CHST9: variants seen among roughly 807,000 people sequenced by gnomAD.
CHST9 encodes GalNAc-4-sulfotransferase 2.
Under a neutral mutation model 44.4 loss-of-function variants are expected in CHST9, and 41 were observed. The observed-to-expected ratio is 0.92, with a 90% CI of 0.72 to 1.20. The LOEUF is 1.20. Among genes scored for constraint, CHST9 ranks in the 50% most tolerant of loss-of-function variants. CHST9 has a pLI of 0.00. For missense variants in CHST9, 504 were observed against 516.5 expected (o/e 0.98, Z 0.23); for synonymous variants, 171 against 178.4 (o/e 0.96, Z 0.33).
At chr18:26,972,916 G>A (rs959872846) in intron 4 of CHST9, among the ~76,000 whole-genome samples, 3 of 152,088 alleles carry the variant, frequency 2.0e-5, no homozygotes, top group African/African-American at 4.8e-5. Flanking sequence ...CCCAGAAGAC[G>A]GCCGAGCTTC....
chr18:27,084,835 TA>T (rs1209194588), intron 2 of CHST9, among the ~76,000 whole-genome samples: 1 of 152,066 alleles, frequency 6.6e-6, no homozygotes, highest in Admixed American at 6.6e-5. Context: ...TGTCCAGAGA[TA>T]CTAGTATGCT....
intron 5 of CHST9, among the ~76,000 whole-genome samples, chr18:26,932,234 C>G (rs1255522594): frequency 6.6e-6 from 1 of 152,182 alleles, no homozygotes; most frequent in Admixed American, 6.5e-5. Flanking sequence ...TATAAGTCAG[C>G]ACTGCCTGGA....
intron 4 of CHST9, among the ~76,000 whole-genome samples, chr18:26,978,976 G>T (rs938041793): frequency 2.6e-5 from 4 of 151,464 alleles, no homozygotes; most frequent in Admixed American, 2.6e-4. Flanking sequence ...CCTATCTGTG[G>T]TTTTTGTGGT....
At chr18:26,958,707 AAC>A (rs2056360625) in intron 4 of CHST9, among the ~76,000 whole-genome samples, 2 of 152,202 alleles carry the variant, frequency 1.3e-5, no homozygotes, top group South Asian at 4.1e-4. Flanking sequence ...GCTGTCAGCA[AAC>A]ACAAGAAAAA....
chr18:27,031,990 T>C (rs1402284735), intron 3 of CHST9, among the ~76,000 whole-genome samples: 1 of 152,034 alleles, frequency 6.6e-6, no homozygotes, highest in Non-Finnish European at 1.5e-5. Flanking sequence ...GTCCCTACTT[T>C]AGAGGAGCAA....
chr18:27,011,752 A>G (rs921682572), intron 4 of CHST9, among the ~76,000 whole-genome samples: 2 of 152,224 alleles, frequency 1.3e-5, no homozygotes, highest in African/African-American at 4.8e-5. Context: ...GGAATATACC[A>G]GTGAGTGAGC....
At chr18:27,179,290 C>T (rs540822146) in intron 1 of CHST9, among the ~76,000 whole-genome samples, 9 of 152,016 alleles carry the variant, frequency 5.9e-5, no homozygotes, top group East Asian at 5.8e-4. Flanking sequence ...AAGGTGACAG[C>T]GACAGAAAAA....
intron 2 of CHST9, among the ~76,000 whole-genome samples, chr18:27,078,802 C>T (rs944665224): frequency 6.6e-6 from 1 of 152,160 alleles, no homozygotes; most frequent in African/African-American, 2.4e-5. Flanking sequence ...AGTTGGACAA[C>T]ACAAATTTTT....
intron 2 of CHST9, among the ~76,000 whole-genome samples, chr18:27,121,318 T>C (rs992038579): frequency 6.6e-6 from 1 of 152,162 alleles, no homozygotes; most frequent in Admixed American, 6.5e-5. Flanking sequence ...GCTACTGTCA[T>C]AAAACCTGCC....
chr18:27,023,998 G>T, intron 4 of CHST9, 118 bp downstream of exon 4: 2 of 949,770 alleles, frequency 2.1e-6, no homozygotes, highest in African/African-American at 1.7e-5. Context: ...CCTAGGGATG[G>T]CTATCATCAG....
At chr18:26,981,772 C>T (rs1426950159) in intron 4 of CHST9, among the ~76,000 whole-genome samples, 2 of 152,156 alleles carry the variant, frequency 1.3e-5, no homozygotes, top group African/African-American at 2.4e-5. Flanking sequence ...AAATTGAAAG[C>T]TAACTGTAAT....
intron 2 of CHST9, among the ~76,000 whole-genome samples, chr18:27,070,382 T>A (rs2057825716): frequency 6.6e-6 from 1 of 152,226 alleles, no homozygotes; most frequent in South Asian, 2.1e-4. Flanking sequence ...GGGCCAAATA[T>A]AATAAGGCTT....
intron 4 of CHST9, among the ~76,000 whole-genome samples, chr18:26,961,128 G>A (rs1189083395): frequency 6.6e-6 from 1 of 152,176 alleles, no homozygotes; most frequent in Non-Finnish European, 1.5e-5. Context: ...GGGAGGTGAT[G>A]AACTCAAGCC....
At chr18:27,071,645 G>T (rs9965130) in intron 2 of CHST9, among the ~76,000 whole-genome samples, 56 of 152,178 alleles carry the variant, frequency 3.7e-4, no homozygotes, top group African/African-American at 1.3e-3. Flanking sequence ...AAACTTTGTT[G>T]TTTCTTTTGG....
At chr18:27,085,095 A>G (rs990818746) in intron 2 of CHST9, among the ~76,000 whole-genome samples, 1 of 152,136 alleles carries the variant, frequency 6.6e-6, no homozygotes, top group African/African-American at 2.4e-5. Context: ...TGCCATGTGC[A>G]GACGAGAAGA....
At position 27,141,841 on chromosome 18, in the gene CHST9, G is replaced by A. The variant is rs543373252; in HGVS notation, c.121+848C>T. Among the ~76,000 whole-genome samples, 8 of 151,448 alleles carry A rather than the reference G, an allele frequency of 5.3e-5. No individual in the cohort carries two copies. In the South Asian group the frequency reaches 1.7e-3, roughly 31 times the overall value. On this transcript the variant is annotated intron_variant, in intron 2 of 5. Transcript: ENST00000618847. ...TTATCCTTAACAGTCATAAGCCATA[G>A]TCTATTTCTACCAATGGAAACCATC...
chr18:27,015,690 G>C (rs182578377), intron 4 of CHST9, among the ~76,000 whole-genome samples: 364 of 152,292 alleles, frequency 2.4e-3, no homozygotes, highest in Middle Eastern at 3.4e-3. Context: ...GCTGACCAAA[G>C]GGTAGAGGAT....
intron 4 of CHST9, among the ~76,000 whole-genome samples, chr18:27,023,856 A>G (rs1368648445): frequency 6.6e-6 from 1 of 152,230 alleles, no homozygotes; most frequent in Non-Finnish European, 1.5e-5. Context: ...TCCTATATAT[A>G]ACTGAAATCA....
At position 27,049,228 on chromosome 18, in the gene CHST9, C is replaced by T. The variant is rs953042360; in HGVS notation, c.122-725G>A. Among the ~76,000 whole-genome samples the T allele has an allele frequency of 5.3e-5, 8 of 151,760 alleles. No individual in the cohort carries two copies. The South Asian group carries it at 8.4e-4, about 16-fold the overall frequency. ...GAGGGAAGTAGTGGATGCAAGAGAC[C>T]GGGGGGAGGCCGAAATAATAGGGCC... On this transcript the variant is annotated intron_variant, in intron 2 of 5. Coordinates refer to ENST00000618847, the MANE Select transcript of CHST9 (RefSeq NM_031422.6).
Sources: allele counts gnomAD v4.1 joint callset (sites outside exome capture counted in the v4.1 genomes callset), GRCh38; gene constraint gnomAD v4.1.1; transcripts MANE v1.5; gene names NCBI Gene and HGNC (gene_info 2026-07-23, HGNC 2026-07-21).